Variants in BBS9 observed in about 807,000 individuals in gnomAD.
The protein encoded by BBS9 is protein PTHB1.
Under a neutral mutation model 117.7 loss-of-function variants are expected in BBS9, and 89 were observed. The observed-to-expected ratio is 0.76, with a 90% CI of 0.64 to 0.90. BBS9 has a LOEUF of 0.90. Ranked by LOEUF, BBS9 falls within the 40% of genes least tolerant of loss-of-function variation. BBS9 has a pLI of 0.00. For missense variants in BBS9, 982 were observed against 1,042.2 expected (o/e 0.94, Z 0.80); for synonymous variants, 379 against 370.9 (o/e 1.02, Z -0.25).
intron 9 of BBS9, among the ~76,000 whole-genome samples, chr7:33,302,430 A>C (rs546374804): frequency 3.9e-4 from 59 of 152,268 alleles, no homozygotes; most frequent in African/African-American, 1.3e-3. Flanking sequence ...TTCAGTCTTT[A>C]ATCCCTTTTT....
intron 1 of BBS9, among the ~76,000 whole-genome samples, chr7:33,133,547 G>C (rs1420149): frequency 1.3e-5 from 2 of 151,994 alleles, no homozygotes; most frequent in East Asian, 3.9e-4. Flanking sequence ...CTTTAACTTA[G>C]CATGTTTTTA....
intron 6 of BBS9, among the ~76,000 whole-genome samples, chr7:33,262,305 A>G (rs1181229707): frequency 2.0e-5 from 3 of 152,146 alleles, no homozygotes; most frequent in Admixed American, 6.5e-5. Context: ...ATAAGCTTCA[A>G]ACAGCTCAAA....
chr7:33,626,147 G>C (rs1400324513), intron 21 of BBS9, among the ~76,000 whole-genome samples: 1 of 152,096 alleles, frequency 6.6e-6, no homozygotes, highest in Non-Finnish European at 1.5e-5. Context: ...ACAAGATCTG[G>C]TTGTTTAAAA....
intron 20 of BBS9, among the ~76,000 whole-genome samples, chr7:33,527,808 A>G (rs1849873682): frequency 1.3e-5 from 2 of 152,298 alleles, no homozygotes; most frequent in South Asian, 4.1e-4. Context: ...TGAATTGCTC[A>G]ACATTTTGAG....
At chr7:33,129,305 C>T (rs984022277), upstream of BBS9, 4 of 546,946 alleles carry the variant, frequency 7.3e-6, no homozygotes, top group Admixed American at 3.4e-5. Context: ...GGCCTGCCCC[C>T]GGAGCCCAGG....
At chr7:33,148,795 A>AT (rs71551989) in intron 2 of BBS9, among the ~76,000 whole-genome samples, 24,504 of 144,992 alleles carry the variant, frequency 0.17, 2,130 homozygotes, top group South Asian at 0.22. Context: ...TTTTATTTTT[A>AT]TTTTTTTTGT....
rs910947888 is a variant in BBS9 at position 33,317,155 on chromosome 7, A to G, written c.1017-19286A>G. On this transcript the variant is annotated intron_variant, in intron 9 of 22. Coordinates refer to ENST00000242067, the MANE Select transcript of BBS9 (RefSeq NM_198428.3). The stretch of plus-strand genomic sequence containing the variant: ...ACTTTGGCATCTTTGTTGAAAACCA[A>G]TTGAGCATATGAGCATGGGTTTGTT... Among the ~76,000 whole-genome samples the G allele has an allele frequency of 7.2e-5, 11 of 152,152 alleles. 1 individual carries two copies. The highest frequency in any genetic ancestry group is 3.3e-4 in the Admixed American group (5 of 15,284).
In BBS9 at chr7:33,426,623, A is replaced by G. The variant is rs568521111; in HGVS notation, c.2115+38479A>G. On this transcript the variant is annotated intron_variant, in intron 19 of 22. Coordinates refer to ENST00000242067, the MANE Select transcript of BBS9 (RefSeq NM_198428.3). ...TTCTGTGTCCTTCTGCTGGGGATTC[A>G]CTAAGCCACATTCGGTTGTTAAAGG... 1.5e-4 allele frequency among the ~76,000 whole-genome samples: 23 copies of G among 152,152 alleles called. No homozygotes were observed. In the South Asian group the frequency reaches 4.8e-3, roughly 32 times the overall value.
chr7:33,331,807 A>G (rs979047983), intron 9 of BBS9, among the ~76,000 whole-genome samples: 3 of 152,156 alleles, frequency 2.0e-5, no homozygotes, highest in Non-Finnish European at 4.4e-5. Flanking sequence ...CATAGATGAC[A>G]CAAACAAATG....
chr7:33,527,864 A>G (rs905317610), intron 20 of BBS9, among the ~76,000 whole-genome samples: 1 of 152,244 alleles, frequency 6.6e-6, no homozygotes, highest in Non-Finnish European at 1.5e-5. Context: ...AGTCAAGCAA[A>G]TAATATTTGG....
intron 17 of BBS9, among the ~76,000 whole-genome samples, chr7:33,375,052 C>T (rs927363164): frequency 6.6e-6 from 1 of 151,954 alleles, no homozygotes; most frequent in Non-Finnish European, 1.5e-5. Context: ...GATACGAATA[C>T]AAGCATTATA....
intron 19 of BBS9, among the ~76,000 whole-genome samples, chr7:33,437,729 A>G (rs1018788982): frequency 2.0e-5 from 3 of 152,054 alleles, no homozygotes; most frequent in African/African-American, 4.8e-5. Flanking sequence ...AAAAAAAATT[A>G]GCCGGACACT....
At chr7:33,298,847 G>A (rs1307262723) in intron 9 of BBS9, among the ~76,000 whole-genome samples, 3 of 152,180 alleles carry the variant, frequency 2.0e-5, no homozygotes, top group Non-Finnish European at 4.4e-5. Context: ...ACATAGAGGC[G>A]AGGCTGAACT....
chr7:33,488,437 T>C (rs1191672079), intron 19 of BBS9, among the ~76,000 whole-genome samples: 1 of 152,160 alleles, frequency 6.6e-6, no homozygotes, highest in Non-Finnish European at 1.5e-5. Context: ...AATGAGATAG[T>C]GTAGGTAATA....
intron 19 of BBS9, among the ~76,000 whole-genome samples, chr7:33,464,356 A>T (rs2128939424): frequency 6.6e-6 from 1 of 152,142 alleles, no homozygotes; most frequent in Admixed American, 6.6e-5. Flanking sequence ...CCCTGGCTTT[A>T]TTTTCTCTTC....
At chr7:33,133,533 G>T (rs1789952605) in intron 1 of BBS9, among the ~76,000 whole-genome samples, 1 of 152,056 alleles carries the variant, frequency 6.6e-6, no homozygotes. Context: ...TTTGTTACTG[G>T]CTTCTTTAAC....
rs200128641 is a variant in BBS9 at position 33,363,940 on chromosome 7, T to A, written c.1694-3827T>A. 1.2e-3 allele frequency among the ~76,000 whole-genome samples: 39 copies of A among 31,568 alleles called. 15 individuals are homozygous for A. The highest frequency in any genetic ancestry group is 3.9e-3 in the South Asian group (4 of 1,032). 20.7% of individuals were successfully genotyped at this position (31,568 alleles called of 152,430 possible). Reference sequence around the variant, plus strand: ...ATCTTTTCACTATATTTTTATTTTTTTTTTTATTTTTTATTTTTTTTTTTT... The same window carrying A: ...ATCTTTTCACTATATTTTTATTTTTATTTTTATTTTTTATTTTTTTTTTTT... On this transcript the variant is annotated intron_variant, in intron 16 of 22. Coordinates refer to ENST00000242067, the MANE Select transcript of BBS9 (RefSeq NM_198428.3).
intron 21 of BBS9, among the ~76,000 whole-genome samples, chr7:33,614,253 T>C (rs1865024112): frequency 6.6e-6 from 1 of 152,070 alleles, no homozygotes; most frequent in Non-Finnish European, 1.5e-5. Context: ...CCTATAACAA[T>C]TAAAAATATC....
At chr7:33,592,005 A>G (rs371111025) in intron 21 of BBS9, among the ~76,000 whole-genome samples, 38 of 152,166 alleles carry the variant, frequency 2.5e-4, no homozygotes, top group African/African-American at 8.9e-4. Context: ...TTTCATGTGA[A>G]TTACTTTTAA....
Sources: allele counts gnomAD v4.1 joint callset (sites outside exome capture counted in the v4.1 genomes callset), GRCh38; gene constraint gnomAD v4.1.1; transcripts MANE v1.5; gene names NCBI Gene and HGNC (gene_info 2026-07-23, HGNC 2026-07-21).